The following CDH8 variants were observed in gnomAD, a reference collection of about 807,000 sequenced individuals.
CDH8 encodes the protein cadherin-8.
In CDH8, 17 loss-of-function variants were observed where a neutral mutation model predicts 68.1. That is an observed-to-expected ratio of 0.25 (90% CI 0.17 to 0.37). CDH8 has a LOEUF of 0.37. Among genes scored for constraint, CDH8 ranks in the 10% least tolerant of loss-of-function variants. CDH8 has a pLI of 1.00. For missense variants in CDH8, 763 were observed against 999.3 expected, an observed-to-expected ratio of 0.76 and a Z score of 3.19; for synonymous variants, 372 against 365.1, an observed-to-expected ratio of 1.02 and a Z score of -0.21.
intron 2 of CDH8, among the ~76,000 whole-genome samples, chr16:61,932,207 C>CAAAAAAAAAA (rs35261724): frequency 1.2e-5 from 1 of 83,578 alleles, no homozygotes; most frequent in South Asian, 3.9e-4. Flanking sequence ...AACTCCGTCT[C>CAAAAAAAAAA]AAAAAAAAAA....
chr16:61,838,383 ACTGT>A (rs1962612588), intron 4 of CDH8, among the ~76,000 whole-genome samples: 2 of 152,014 alleles, frequency 1.3e-5, no homozygotes, highest in Non-Finnish European at 2.9e-5. Context: ...ACCTTTCCTA[ACTGT>A]CTGCTTCCTT....
At chr16:61,955,248 T>C (rs999760461) in intron 2 of CDH8, among the ~76,000 whole-genome samples, 2 of 152,228 alleles carry the variant, frequency 1.3e-5, no homozygotes, top group African/African-American at 2.4e-5. Context: ...TTTCTCTATA[T>C]ATAATGAACC....
intron 6 of CDH8, 186 bp from the exon 7 acceptor site, chr16:61,817,918 T>C: frequency 1.9e-6 from 1 of 521,514 alleles, no homozygotes; most frequent in South Asian, 3.5e-5. Flanking sequence ...GTCTGTTTAT[T>C]ATATAAGCTC....
At chr16:62,021,630 A>T in intron 1 of CDH8, 28 bp from the exon 2 acceptor site, 1 of 1,268,680 alleles carries the variant, frequency 7.9e-7, no homozygotes, top group Non-Finnish European at 1.0e-6. Flanking sequence ...AAGAAAGATA[A>T]GGGTCTACTC....
At chr16:61,692,018 G>A (rs549134968) in intron 10 of CDH8, 8 of 152,082 alleles carry the variant, frequency 5.3e-5, no homozygotes. Context: ...TAGCCTAAGG[G>A]TTGGGTACCC....
intron 10 of CDH8, among the ~76,000 whole-genome samples, chr16:61,656,477 A>G (rs774909797): frequency 6.6e-6 from 1 of 152,218 alleles, no homozygotes; most frequent in East Asian, 1.9e-4. Flanking sequence ...ATGACAACAC[A>G]GTTGCAAAAC....
chr16:61,940,860 A>G (rs1259877770), intron 2 of CDH8, among the ~76,000 whole-genome samples: 3 of 152,342 alleles, frequency 2.0e-5, no homozygotes, highest in East Asian at 1.9e-4. Flanking sequence ...CTCTTTGTCT[A>G]TCTTTCAAGC....
At chr16:61,719,848 C>T (rs1959203644) in intron 9 of CDH8, among the ~76,000 whole-genome samples, 1 of 150,972 alleles carries the variant, frequency 6.6e-6, no homozygotes, top group Admixed American at 6.6e-5. Context: ...TTATAGTCAA[C>T]TATCCTTGGC....
At chr16:61,782,575 G>C (rs1157420138) in intron 8 of CDH8, among the ~76,000 whole-genome samples, 1 of 151,828 alleles carries the variant, frequency 6.6e-6, no homozygotes, top group East Asian at 1.9e-4. Context: ...CTCGAACTGG[G>C]TGGAGCCCAC....
intron 7 of CDH8, among the ~76,000 whole-genome samples, chr16:61,807,351 T>C (rs12918761): frequency 7.7e-5 from 11 of 143,696 alleles, no homozygotes; most frequent in East Asian, 2.2e-4. Flanking sequence ...AGGGATAGCA[T>C]TGGGAGATAT....
At chr16:61,966,519 G>A (rs1032310872) in intron 2 of CDH8, among the ~76,000 whole-genome samples, 16 of 151,666 alleles carry the variant, frequency 1.1e-4, no homozygotes, top group African/African-American at 3.6e-4. Context: ...GCCTGCGGAC[G>A]GAGCAAGACT....
chr16:61,741,548 T>C (rs78926936), intron 8 of CDH8, among the ~76,000 whole-genome samples: 13 of 152,264 alleles, frequency 8.5e-5, no homozygotes, highest in Non-Finnish European at 1.6e-4. Context: ...ATTATTTATA[T>C]TGACGGTTGG....
At chr16:61,948,027 A>G (rs1964827268) in intron 2 of CDH8, among the ~76,000 whole-genome samples, 1 of 152,150 alleles carries the variant, frequency 6.6e-6, no homozygotes, top group African/African-American at 2.4e-5. Context: ...CTAGTTATCC[A>G]ATACCCAAGA....
At chr16:61,989,486 TG>T (rs1360934065) in intron 2 of CDH8, among the ~76,000 whole-genome samples, 2 of 152,178 alleles carry the variant, frequency 1.3e-5, no homozygotes, top group Non-Finnish European at 2.9e-5. Context: ...GCAGAGCATC[TG>T]GGCCCTGGAA....
intron 2 of CDH8, among the ~76,000 whole-genome samples, chr16:61,913,108 T>G (rs757908303): frequency 6.6e-6 from 1 of 152,162 alleles, no homozygotes; most frequent in Non-Finnish European, 1.5e-5. Context: ...TTTAGAAAAC[T>G]TCAACAATTT....
At chr16:61,762,318 T>C (rs1057082045) in intron 8 of CDH8, among the ~76,000 whole-genome samples, 5 of 152,194 alleles carry the variant, frequency 3.3e-5, no homozygotes, top group Non-Finnish European at 5.9e-5. Flanking sequence ...TTTTGTAAGA[T>C]TGTCACCATT....
intron 4 of CDH8, among the ~76,000 whole-genome samples, chr16:61,843,447 A>T (rs1239168793): frequency 6.6e-6 from 1 of 152,198 alleles, no homozygotes; most frequent in Admixed American, 6.5e-5. Context: ...TTAGATATAA[A>T]GAAATGGGAT....
intron 6 of CDH8, among the ~76,000 whole-genome samples, 154 bp downstream of exon 6, chr16:61,820,772 C>T (rs932180293): frequency 7.9e-5 from 12 of 151,844 alleles, no homozygotes; most frequent in African/African-American, 2.9e-4. Context: ...TAAGAGTTGC[C>T]AAAAGGACTG....
chr16:61,817,899 T>G, intron 6 of CDH8, 167 bp from the exon 7 acceptor site: 3 of 558,946 alleles, frequency 5.4e-6, no homozygotes, highest in Non-Finnish European at 9.2e-6. Flanking sequence ...TTTATGGGCA[T>G]TTATTTATGT....
Sources: gnomAD v4.1 joint callset for allele counts (sites outside exome capture counted in the v4.1 genomes callset) on GRCh38, gnomAD v4.1.1 for gene constraint, MANE v1.5 for transcripts, NCBI Gene and HGNC (gene_info 2026-07-23, HGNC 2026-07-21) for gene names.